ABCB5: variants seen among roughly 807,000 people sequenced by gnomAD.
ABCB5 encodes the protein ATP-binding cassette sub-family B member 5.
A neutral mutation model predicts 144.2 loss-of-function variants in ABCB5; 155 were observed. The observed-to-expected ratio is 1.08, with a 90% CI of 0.94 to 1.23. ABCB5 has a LOEUF of 1.23. Ranked by LOEUF, ABCB5 falls within the 50% of genes most tolerant of loss-of-function variation. ABCB5 has a pLI of 0.00. For synonymous variants in ABCB5, 610 were observed against 528.6 expected, an observed-to-expected ratio of 1.15 and a Z score of -2.11; for missense variants, 1,830 against 1,520.8, an observed-to-expected ratio of 1.20 and a Z score of -3.38.
intron 13 of ABCB5, among the ~76,000 whole-genome samples, chr7:20,653,118 A>G (rs933432213): frequency 6.6e-6 from 1 of 152,182 alleles, no homozygotes; most frequent in African/African-American, 2.4e-5. Context: ...TAAAACATCA[A>G]TGCTCTCATT....
chr7:20,699,872 T>C lies in ABCB5; in HGVS notation c.2202T>C (p.Ile734=). The change falls in exon 18 of 28, where the codon ATT becomes ATC. Residue 734 remains isoleucine, a synonymous_variant. Transcript: ENST00000404938. The part of the protein sequence containing the change: ...DKTTLKHDAE[I]YSMIFVILGV... ...CCACATTAAAGCATGATGCAGAAAT[T>C]TATTCCATGATATTCGTCATTTTGG... 6.2e-7 allele frequency: 1 copy of C among 1,612,912 alleles called. No homozygotes were observed. Among genetic ancestry groups the C allele is most frequent in the South Asian group, 1.1e-5 (1 of 90,652 alleles).
intron 14 of ABCB5, chr7:20,659,351 A>T: frequency 7.8e-7 from 1 of 1,289,412 alleles, no homozygotes; most frequent in Non-Finnish European, 9.8e-7. Flanking sequence ...TACAAGGCTT[A>T]ATGGCACATT....
chr7:20,701,381 T>C (rs1366908176), intron 19 of ABCB5, among the ~76,000 whole-genome samples: 1 of 152,224 alleles, frequency 6.6e-6, no homozygotes, highest in Non-Finnish European at 1.5e-5. Flanking sequence ...CCTGTTCAAA[T>C]AAATTTATTT....
chr7:20,680,428 C>T (rs867763788), intron 14 of ABCB5, among the ~76,000 whole-genome samples: 3 of 152,148 alleles, frequency 2.0e-5, no homozygotes, highest in African/African-American at 7.2e-5. Context: ...AAATAAATAG[C>T]CGGGCGTGGT....
chr7:20,627,678 C>T (rs1425928089), intron 3 of ABCB5, among the ~76,000 whole-genome samples: 1 of 116,196 alleles, frequency 8.6e-6, no homozygotes, highest in East Asian at 3.4e-4. Context: ...TCATTGACCC[C>T]CTTAAATATC....
At chr7:20,617,199 C>A (rs1783705906) in intron 1 of ABCB5, among the ~76,000 whole-genome samples, 1 of 152,098 alleles carries the variant, frequency 6.6e-6, no homozygotes, top group Admixed American at 6.6e-5. Flanking sequence ...CTGTTCAGTG[C>A]TTAAAACAGT....
At chr7:20,719,714 G>C (rs1292735642) in intron 20 of ABCB5, among the ~76,000 whole-genome samples, 1 of 152,168 alleles carries the variant, frequency 6.6e-6, no homozygotes, top group Non-Finnish European at 1.5e-5. Context: ...GGAGACATGA[G>C]AGCAGATGGG....
chr7:20,741,452 AAG>A (rs902335038), intron 24 of ABCB5, among the ~76,000 whole-genome samples: 3 of 152,124 alleles, frequency 2.0e-5, no homozygotes, highest in African/African-American at 7.2e-5. Flanking sequence ...ATAAAACAAA[AAG>A]AAATTTTTTA....
chr7:20,726,688 T>C (rs1390855045), intron 21 of ABCB5, among the ~76,000 whole-genome samples: 1 of 152,118 alleles, frequency 6.6e-6, no homozygotes, highest in Admixed American at 6.6e-5. Context: ...TTACTTGAAT[T>C]GTTTCATAAT....
At chr7:20,673,288 G>C (rs572161229) in intron 14 of ABCB5, among the ~76,000 whole-genome samples, 33 of 151,980 alleles carry the variant, frequency 2.2e-4, no homozygotes, top group African/African-American at 7.9e-4. Context: ...GTGTTGAGTT[G>C]GTTGATACTA....
rs544007356 is a variant in ABCB5 at position 20,652,852 on chromosome 7, C to G, written c.1536+1229C>G. Among the ~76,000 whole-genome samples, 6 of 152,284 alleles carry G rather than the reference C, an allele frequency of 3.9e-5. No homozygotes were observed. In the East Asian group the frequency reaches 1.2e-3, roughly 29 times the overall value. On this transcript the variant is annotated intron_variant, in intron 13 of 27. Coordinates refer to ENST00000404938, the MANE Select transcript of ABCB5 (RefSeq NM_001163941.2). ...ATAAAATTCCACCATCCCAGAGGGT[C>G]ACAATAACAGAAATGTTTATTTTAA...
intron 14 of ABCB5, chr7:20,659,393 CG>C (rs1784923822): frequency 1.7e-6 from 2 of 1,204,256 alleles, no homozygotes; most frequent in South Asian, 3.9e-5. Context: ...GTGAGTTAAG[CG>C]TTTTTTTTTC....
Position 20,755,507 on chromosome 7 carries a change from C to T in ABCB5, c.3657C>T (p.Asn1219=), listed in dbSNP as rs200868952. The change falls in exon 28 of 28, where the codon AAC becomes AAT. Residue 1219 remains asparagine, a synonymous_variant. Coordinates refer to ENST00000404938, the MANE Select transcript of ABCB5 (RefSeq NM_001163941.2). ...CTCACAGGCTCTCTGCAATTCAGAA[C>T]GCAGATTTGATAGTGGTTCTGCACA... ...VVTHRLSAIQ[N]ADLIVVLHNG... is the part of the protein sequence containing the mutation. The T allele has an allele frequency of 8.9e-5, 144 of 1,614,054 alleles. 3 individuals are homozygous for T. In the Admixed American group the frequency reaches 1.2e-3, roughly 13 times the overall value.
rs2128043256 is a variant in ABCB5, at chr7:20,699,912, G to C, written c.2242G>C (p.Val748Leu). 1 of 1,612,336 alleles carries C rather than the reference G, an allele frequency of 6.2e-7. No individual in the cohort carries two copies. The highest frequency in any genetic ancestry group is 8.5e-7 in the Non-Finnish European group (1 of 1,179,056). ...IFVILGVICF[V>L]SYFMQGLFYG... ...CGTCATTTTGGGTGTTATTTGCTTT[G>C]TCAGTTATTTCATGCAGGTAAGCTT... Residue 748 changes from valine (V) to leucine (L), a missense_variant, in exon 18 of 28, where the codon GTC becomes CTC. Physicochemically the swap from Val to Leu is conservative, Grantham distance 32. Coordinates refer to ENST00000404938, the MANE Select transcript of ABCB5 (RefSeq NM_001163941.2).
chr7:20,728,834 T>C (rs998231580), intron 23 of ABCB5, among the ~76,000 whole-genome samples: 8 of 152,330 alleles, frequency 5.3e-5, no homozygotes, highest in African/African-American at 1.9e-4. Flanking sequence ...CAGAAAGATG[T>C]CTAGTTTATA....
chr7:20,675,791 G>A (rs1785580911), intron 14 of ABCB5, among the ~76,000 whole-genome samples: 1 of 151,502 alleles, frequency 6.6e-6, no homozygotes, highest in Non-Finnish European at 1.5e-5. Flanking sequence ...AATATATAAG[G>A]AACTCCTATA....
At chr7:20,743,934 C>A (rs918795874) in intron 25 of ABCB5, among the ~76,000 whole-genome samples, 1 of 152,130 alleles carries the variant, frequency 6.6e-6, no homozygotes, top group African/African-American at 2.4e-5. Context: ...TAGAACATAC[C>A]AGTCTATGCC....
chr7:20,714,732 C>G (rs1175473226), intron 20 of ABCB5, among the ~76,000 whole-genome samples: 1 of 152,078 alleles, frequency 6.6e-6, no homozygotes, highest in Non-Finnish European at 1.5e-5. Context: ...ATGGAAAACC[C>G]AAGCTTATTA....
At chr7:20,754,477 G>A (rs764592298) in intron 27 of ABCB5, among the ~76,000 whole-genome samples, 27 of 152,128 alleles carry the variant, frequency 1.8e-4, no homozygotes, top group Non-Finnish European at 3.4e-4. Flanking sequence ...ATTTTATGAG[G>A]TTATTGAAAG....
Sources: allele counts gnomAD v4.1 joint callset (sites outside exome capture counted in the v4.1 genomes callset), GRCh38; gene constraint gnomAD v4.1.1; transcripts MANE v1.5; gene names NCBI Gene and HGNC (gene_info 2026-07-23, HGNC 2026-07-21).